CSF1R: variants seen among roughly 807,000 people sequenced by gnomAD.
CSF1R encodes macrophage colony-stimulating factor 1 receptor.
Under a neutral mutation model 110.0 loss-of-function variants are expected in CSF1R, and 40 were observed. The observed-to-expected ratio is 0.36, with a 90% CI of 0.28 to 0.47. The LOEUF is 0.47. Among genes scored for constraint, CSF1R ranks in the 20% least tolerant of loss-of-function variants. The pLI is 0.99. For synonymous variants in CSF1R, 523 were observed against 503.4 expected (o/e 1.04, Z -0.52); for missense variants, 1,052 against 1,253.0 (o/e 0.84, Z 2.42).
chr5:150,058,057 C>T lies in CSF1R; in HGVS notation c.2133-465G>A, dbSNP rs540077106. ...GCTAATTACTAATACTTCAGAAACT[C>T]TAGGGACAAAACAGTCATTCACAGA... On this transcript the variant is annotated intron_variant, in intron 14 of 20. Transcript: ENST00000675795. 10 of 369,754 alleles carry T rather than the reference C, an allele frequency of 2.7e-5. No homozygotes were observed. The Admixed American group carries it at 3.1e-4, about 12-fold the overall frequency. The allele number at this position is 369,754 out of a possible 1,614,324, so 22.9% of individuals were successfully genotyped here. A position where few individuals can be genotyped will look rare whatever the true frequency, so the allele number is the denominator to read the frequency against.
At chr5:150,087,123 G>A (rs1301972120), upstream of CSF1R, among the ~76,000 whole-genome samples, 3 of 152,194 alleles carry the variant, frequency 2.0e-5, no homozygotes, top group Admixed American at 2.0e-4. Context: ...TAAATATAGT[G>A]TTCAAATTGA....
intron 1 of CSF1R, among the ~76,000 whole-genome samples, chr5:150,111,108 G>A (rs910005299): frequency 3.9e-5 from 6 of 152,116 alleles, no homozygotes; most frequent in Non-Finnish European, 4.4e-5. Flanking sequence ...TTGCAAAACC[G>A]AACATTATAA....
chr5:150,071,197 C>T (rs1427571014), intron 6 of CSF1R, among the ~76,000 whole-genome samples: 1 of 152,154 alleles, frequency 6.6e-6, no homozygotes, highest in Non-Finnish European at 1.5e-5. Flanking sequence ...GCACTCAATT[C>T]AATGGTACCC....
At chr5:150,073,535 A>T (rs761434499) in intron 5 of CSF1R, 42 bp from the exon 6 acceptor site, 8 of 1,586,674 alleles carry the variant, frequency 5.0e-6, no homozygotes, top group Non-Finnish European at 6.9e-6. Context: ...TAGTGGGAAG[A>T]TGTCCTTGTT....
At chr5:150,071,047 T>A (rs1758010527) in intron 6 of CSF1R, among the ~76,000 whole-genome samples, 1 of 152,180 alleles carries the variant, frequency 6.6e-6, no homozygotes, top group Admixed American at 6.5e-5. Flanking sequence ...GGCTGTGTGA[T>A]CTTAGACAAG....
At chr5:150,093,233 C>T (rs959036016) in intron 1 of CSF1R, among the ~76,000 whole-genome samples, 16 of 152,240 alleles carry the variant, frequency 1.1e-4, no homozygotes, top group Non-Finnish European at 1.5e-4. Flanking sequence ...CACCTGCCAC[C>T]GTGTCTGGCT....
chr5:150,092,820 T>G (rs1448841241), intron 1 of CSF1R, among the ~76,000 whole-genome samples: 1 of 152,170 alleles, frequency 6.6e-6, no homozygotes, highest in Admixed American at 6.5e-5. Context: ...CCTACATACC[T>G]ATGATAAAGT....
At chr5:150,082,764 C>T (rs1433746010) in intron 1 of CSF1R, among the ~76,000 whole-genome samples, 1 of 152,170 alleles carries the variant, frequency 6.6e-6, no homozygotes, top group Non-Finnish European at 1.5e-5. Flanking sequence ...ATCCCAGCTC[C>T]CACCCCAAAA....
intron 9 of CSF1R, 115 bp from the exon 10 acceptor site, chr5:150,068,445 A>T (rs536344571): frequency 1.1e-4 from 72 of 661,626 alleles, no homozygotes; most frequent in Admixed American, 2.4e-4. Flanking sequence ...TGTTGACTGA[A>T]TGAAGCATCC....
At chr5:150,070,409 C>T in intron 7 of CSF1R, 47 bp downstream of exon 7, 10 of 1,568,458 alleles carry the variant, frequency 6.4e-6, no homozygotes, top group Non-Finnish European at 8.7e-6. Context: ...TCCCTCCAGG[C>T]AGTCCCAGGG....
chr5:150,062,705 T>C (rs1378610588), intron 10 of CSF1R, among the ~76,000 whole-genome samples: 1 of 152,182 alleles, frequency 6.6e-6, no homozygotes, highest in Non-Finnish European at 1.5e-5. Flanking sequence ...TCCCTGCCCC[T>C]CCATGGAGTT....
rs1327495777 is a variant in CSF1R, at chr5:150,101,222, T to C, written c.-181+12039A>G. Among the ~76,000 whole-genome samples the C allele has an allele frequency of 4.6e-5, 7 of 152,348 alleles. No homozygotes were observed. The East Asian group carries it at 1.3e-3, about 29-fold the overall frequency. On this transcript the variant is annotated intron_variant, in intron 1 of 21. Coordinates refer to the CSF1R transcript ENST00000286301. ...GAGGCATTGCATGTTTCTCCTTGCC[T>C]GCGGATGCTGCTAACATCACTATGA...
chr5:150,091,668 T>C (rs1269843540), intron 1 of CSF1R, among the ~76,000 whole-genome samples: 1 of 152,122 alleles, frequency 6.6e-6, no homozygotes, highest in East Asian at 1.9e-4. Context: ...ATGAAATGTC[T>C]TGGAACTAGA....
At chr5:150,104,808 G>A (rs193118860) in intron 1 of CSF1R, among the ~76,000 whole-genome samples, 3 of 152,216 alleles carry the variant, frequency 2.0e-5, no homozygotes, top group South Asian at 2.1e-4. Context: ...CCAAAGCCCC[G>A]TGAGTAGGAA....
At chr5:150,055,960 G>C (rs1373533144) in intron 18 of CSF1R, 66 bp downstream of exon 18, 1 of 1,448,106 alleles carries the variant, frequency 6.9e-7, no homozygotes, top group African/African-American at 1.4e-5. Flanking sequence ...AAACAGCTTT[G>C]TCCACCAGTG....
chr5:150,068,280 C>CG lies in CSF1R; in HGVS notation c.1560dup (p.Ala521ArgfsTer21). 1 of 1,612,852 alleles carries CG rather than the reference C, an allele frequency of 6.2e-7. No homozygotes were observed. The highest frequency in any genetic ancestry group is 8.5e-7 in the Non-Finnish European group (1 of 1,179,924). ...AGCAAGGCCATGATGGACATGCAGGCGACCACCACTGGTGTGAAGAGGAAC... is the reference window on the plus strand; with the variant it reads ...AGCAAGGCCATGATGGACATGCAGGCGGACCACCACTGGTGTGAAGAGGAAC... On this transcript the variant is annotated frameshift_variant, in exon 10 of 21. Coordinates refer to ENST00000675795, the MANE Select transcript of CSF1R (RefSeq NM_001288705.3). LOFTEE classifies it high-confidence loss of function.
intron 5 of CSF1R, among the ~76,000 whole-genome samples, chr5:150,075,246 G>C (rs1184916973): frequency 1.3e-5 from 2 of 152,086 alleles, no homozygotes; most frequent in Non-Finnish European, 2.9e-5. Context: ...CCATCCATTA[G>C]TCCATTCATC....
chr5:150,068,113 GGACT>G (rs1166533477), intron 10 of CSF1R, 98 bp downstream of exon 10: 16 of 866,812 alleles, frequency 1.8e-5, no homozygotes, highest in Non-Finnish European at 2.6e-5. Context: ...GTTAGCTGAT[GGACT>G]GACTGAGGAG....
chr5:150,109,254 G>A (rs1201737632), intron 1 of CSF1R, among the ~76,000 whole-genome samples: 1 of 152,204 alleles, frequency 6.6e-6, no homozygotes, highest in East Asian at 1.9e-4. Context: ...TGATGGCTCT[G>A]AGCCTCAACC....
Sources: gnomAD v4.1 joint callset for allele counts (sites outside exome capture counted in the v4.1 genomes callset) on GRCh38, gnomAD v4.1.1 for gene constraint, MANE v1.5 for transcripts, NCBI Gene and HGNC (gene_info 2026-07-23, HGNC 2026-07-21) for gene names.